Variants in WWOX observed in about 807,000 individuals in gnomAD.
The protein encoded by WWOX is WW domain-containing oxidoreductase.
WWOX carries 69 observed loss-of-function variants against 46.2 expected under a neutral mutation model. That is an observed-to-expected ratio of 1.49 (90% CI 1.23 to 1.82). WWOX has a LOEUF of 1.82. Ranked by LOEUF, WWOX falls within the 40% of genes most tolerant of loss-of-function variation. The pLI is 0.00. For missense variants in WWOX, 919 were observed against 542.6 expected (o/e 1.69, Z -6.89); for synonymous variants, 359 against 202.6 (o/e 1.77, Z -6.56).
At chr16:78,873,424 A>G (rs536036972) in intron 8 of WWOX, 12 of 152,064 alleles carry the variant, frequency 7.9e-5, no homozygotes, top group African/African-American at 2.9e-4. Context: ...ACCATCTAGC[A>G]GATGTGGTAA....
chr16:78,268,399 G>A lies in WWOX; in HGVS notation c.516+104110G>A, dbSNP rs534448070. On this transcript the variant is annotated intron_variant, in intron 5 of 8. Coordinates refer to ENST00000566780, the MANE Select transcript of WWOX (RefSeq NM_016373.4). ...AGTGTAGATTATTCTGCTCAGGGTA[G>A]CCATACTGAGATCCTGGTGTGCACA... Among the ~76,000 whole-genome samples the A allele has an allele frequency of 1.6e-4, 24 of 152,106 alleles. No homozygotes were observed. The South Asian group carries it at 2.3e-3, about 14-fold the overall frequency.
intron 8 of WWOX, among the ~76,000 whole-genome samples, chr16:78,994,964 T>TTCG (rs1567468553): frequency 7.4e-4 from 70 of 94,690 alleles, no homozygotes; most frequent in African/African-American, 2.6e-3. Flanking sequence ...CTTCTTCTTC[T>TTCG]TCTTCTTTTT....
chr16:79,156,366 G>C (rs1414397004), intron 8 of WWOX, among the ~76,000 whole-genome samples: 1 of 152,188 alleles, frequency 6.6e-6, no homozygotes, highest in Admixed American at 6.5e-5. Flanking sequence ...TTGCCATGCT[G>C]CTCAAGCTAT....
At chr16:79,123,182 G>T (rs569803341) in intron 8 of WWOX, among the ~76,000 whole-genome samples, 3 of 152,192 alleles carry the variant, frequency 2.0e-5, no homozygotes, top group African/African-American at 7.2e-5. Flanking sequence ...GACACCGCTG[G>T]TCTGTGCTCA....
At chr16:79,062,408 C>T (rs943941973) in intron 8 of WWOX, among the ~76,000 whole-genome samples, 1 of 151,652 alleles carries the variant, frequency 6.6e-6, no homozygotes. Context: ...ATAGGGAAGG[C>T]AGAGACTGTT....
intron 8 of WWOX, among the ~76,000 whole-genome samples, chr16:78,474,153 G>A (rs2084300592): frequency 6.6e-6 from 1 of 152,166 alleles, no homozygotes; most frequent in African/African-American, 2.4e-5. Context: ...GATTGAAATG[G>A]TTCTGCTGAA....
At chr16:78,791,872 T>G (rs1471798764) in intron 8 of WWOX, among the ~76,000 whole-genome samples, 1 of 152,048 alleles carries the variant, frequency 6.6e-6, no homozygotes, top group Non-Finnish European at 1.5e-5. Flanking sequence ...AGTGAAACTT[T>G]TGTCTCAAAA....
rs913705709 is a variant in WWOX at position 78,178,401 on chromosome 16, A to G, written c.516+14112A>G. ...TGTGGCCCCACAGACCTTGTTGTCA[A>G]GCAGGCTGCTACGCTTTTATTCTAG... On this transcript the variant is annotated intron_variant, in intron 5 of 8. Transcript: ENST00000566780. Among the ~76,000 whole-genome samples, 6 of 152,242 alleles carry G rather than the reference A, an allele frequency of 3.9e-5. 1 individual carries two copies. The highest frequency in any genetic ancestry group is 1.4e-4 in the African/African-American group (6 of 41,472).
intron 5 of WWOX, among the ~76,000 whole-genome samples, chr16:78,336,942 C>G (rs2080905180): frequency 6.6e-6 from 1 of 151,990 alleles, no homozygotes; most frequent in Admixed American, 6.6e-5. Flanking sequence ...CCATGCCCGG[C>G]TAATTTTTTG....
rs968579529 is a variant in WWOX at position 78,915,548 on chromosome 16, G to T, written c.1057-296060G>T. On this transcript the variant is annotated intron_variant, in intron 8 of 8. Coordinates refer to ENST00000566780, the MANE Select transcript of WWOX (RefSeq NM_016373.4). The stretch of plus-strand genomic sequence containing the variant: ...GAGCCAAATGTTAGCAGGGGACTGG[G>T]CATTTGAAGATTTAAAAAAATGAAA... 9.9e-5 allele frequency among the ~76,000 whole-genome samples: 15 copies of T among 152,152 alleles called. No homozygotes were observed. The South Asian group carries it at 1.9e-3, about 19-fold the overall frequency.
At chr16:78,229,506 C>CTG (rs147555191) in intron 5 of WWOX, among the ~76,000 whole-genome samples, 22,633 of 116,318 alleles carry the variant, frequency 0.19, 2,168 homozygotes, top group Admixed American at 0.25. Context: ...TTATCTATAT[C>CTG]TATATAGAGA....
intron 8 of WWOX, among the ~76,000 whole-genome samples, chr16:78,450,560 T>G (rs182522186): frequency 8.2e-4 from 125 of 152,364 alleles, no homozygotes; most frequent in African/African-American, 2.9e-3. Flanking sequence ...GCATAATGTT[T>G]TCTTAGTATT....
intron 8 of WWOX, among the ~76,000 whole-genome samples, chr16:79,007,601 T>C (rs1319287839): frequency 2.0e-5 from 3 of 152,202 alleles, no homozygotes; most frequent in African/African-American, 7.2e-5. Context: ...AAAAGGGAAT[T>C]TGCAGAAGCT....
chr16:78,886,825 A>T (rs2044468627), intron 8 of WWOX, among the ~76,000 whole-genome samples: 1 of 152,098 alleles, frequency 6.6e-6, no homozygotes. Context: ...GCTTATTCAG[A>T]GTCCTTCCTT....
intron 8 of WWOX, among the ~76,000 whole-genome samples, chr16:78,498,960 T>C (rs774052771): frequency 6.6e-6 from 1 of 152,200 alleles, no homozygotes; most frequent in Non-Finnish European, 1.5e-5. Context: ...TAAGATGGAA[T>C]ATTATGAAGG....
intron 8 of WWOX, among the ~76,000 whole-genome samples, chr16:78,977,350 C>G (rs1002939162): frequency 6.6e-6 from 1 of 152,160 alleles, no homozygotes; most frequent in Admixed American, 6.5e-5. Flanking sequence ...TGAGATCCTC[C>G]AGATCCTGTT....
intron 8 of WWOX, chr16:79,205,305 T>C (rs419512): frequency 0.79 from 119,878 of 152,166 alleles, 48,134 homozygotes; most frequent in Non-Finnish European, 0.85. Context: ...ACACTGTCCC[T>C]AGTGTCACCT....
intron 8 of WWOX, among the ~76,000 whole-genome samples, chr16:79,057,467 G>A (rs147891553): frequency 6.6e-6 from 1 of 152,196 alleles, no homozygotes; most frequent in African/African-American, 2.4e-5. Flanking sequence ...CTTCTCATTA[G>A]AGTCTTTCTG....
intron 8 of WWOX, among the ~76,000 whole-genome samples, chr16:78,532,152 A>G (rs1229649488): frequency 7.2e-5 from 11 of 151,940 alleles, no homozygotes; most frequent in Admixed American, 7.2e-4. Context: ...TGCTAGAGAC[A>G]TTCAGCAGTC....
Sources: allele counts gnomAD v4.1 joint callset (sites outside exome capture counted in the v4.1 genomes callset), GRCh38; gene constraint gnomAD v4.1.1; transcripts MANE v1.5; gene names NCBI Gene and HGNC (gene_info 2026-07-23, HGNC 2026-07-21).